The following MAN2A2 variants were observed in gnomAD, a reference collection of about 807,000 sequenced individuals.
The protein encoded by MAN2A2 is alpha-mannosidase 2x.
Under a neutral mutation model 126.8 loss-of-function variants are expected in MAN2A2, and 79 were observed. The ratio of observed to expected loss-of-function variants is 0.62; its 90% CI spans 0.52 to 0.75. The LOEUF (loss-of-function observed/expected upper bound fraction) is 0.75. Among genes scored for constraint, MAN2A2 ranks in the 30% least tolerant of loss-of-function variants. The pLI is 0.00. For synonymous variants in MAN2A2, 671 were observed against 618.7 expected (o/e 1.08, Z -1.25); for missense variants, 1,392 against 1,522.4 (o/e 0.91, Z 1.43).
At chr15:90,913,178 C>T in intron 17 of MAN2A2, 95 bp from the exon 18 acceptor site, 1 of 1,475,004 alleles carries the variant, frequency 6.8e-7, no homozygotes, top group East Asian at 2.3e-5. Context: ...TTGGACAGAG[C>T]CTCTCCCCAG....
At chr15:90,915,721 C>G (rs538220997) in intron 19 of MAN2A2, among the ~76,000 whole-genome samples, 5 of 152,332 alleles carry the variant, frequency 3.3e-5, no homozygotes, top group South Asian at 4.1e-4. Flanking sequence ...AAACCTGCCC[C>G]AGATTACGGA....
rs1391776400 is a variant in MAN2A2 at position 90,903,897 on chromosome 15, A to G, written c.-18-293A>G. 1.4e-5 allele frequency: 6 copies of G among 430,668 alleles called. No individual in the cohort carries two copies. In the East Asian group the frequency reaches 2.6e-4, roughly 19 times the overall value. 26.7% of individuals were successfully genotyped at this position (430,668 alleles called of 1,614,324 possible). ...CTGAACAGGCACCTCCTATCTAGGCAGGGAAGCTGTGTAATCAGGAGCTTG... is the reference window on the plus strand; with the variant it reads ...CTGAACAGGCACCTCCTATCTAGGCGGGGAAGCTGTGTAATCAGGAGCTTG... On this transcript the variant is annotated intron_variant, in intron 1 of 22. Transcript: ENST00000559717.
Position 90,907,485 on chromosome 15 carries a change from G to A in MAN2A2, c.1186G>A (p.Val396Met), listed in dbSNP as rs1216823324. 50 of 1,611,304 alleles carry A rather than the reference G, an allele frequency of 3.1e-5. No homozygotes were observed. Among genetic ancestry groups the A allele is most frequent in the Middle Eastern group, 1.6e-4 (1 of 6,078 alleles). Residue 396 changes from valine to methionine, a missense_variant, in exon 8 of 23, where the codon GTG (valine) becomes ATG (methionine). By Grantham distance (21) the Val-to-Met change is conservative. Transcript: ENST00000559717. ...VPPRAITEANVAERAALLLDQ... is the reference protein window; with the variant it reads ...VPPRAITEANMAERAALLLDQ... ...ACCCCGGGCCATCACAGAGGCCAACGTGGCAGAGAGGTATCTGCTTCCAGC... is the reference window on the plus strand; with the variant it reads ...ACCCCGGGCCATCACAGAGGCCAACATGGCAGAGAGGTATCTGCTTCCAGC...
At chr15:90,911,827 T>C (rs1419308980) in intron 14 of MAN2A2, 4 of 614,380 alleles carry the variant, frequency 6.5e-6, no homozygotes, top group Non-Finnish European at 1.2e-5. Context: ...GAAAGCTTAA[T>C]GTGTTGTTAC....
At position 90,922,386 on chromosome 15, in the gene MAN2A2, A is replaced by G. The variant is rs2035580798; in HGVS notation, c.*2599A>G. Reference sequence around the variant, plus strand: ...CATAGCAGAAGAAATAGGATTATCAATGTGAACTGCTTAGCATGGTGCCTG... The same window carrying G: ...CATAGCAGAAGAAATAGGATTATCAGTGTGAACTGCTTAGCATGGTGCCTG... On this transcript the variant is annotated 3_prime_UTR_variant, in exon 23 of 23. Coordinates refer to ENST00000559717, the MANE Select transcript of MAN2A2 (RefSeq NM_006122.4). The G allele has an allele frequency of 6.6e-6, 1 of 152,182 alleles. No homozygotes were observed. Among genetic ancestry groups the G allele is most frequent in the Admixed American group, 6.5e-5 (1 of 15,276 alleles). The allele number at this position is 152,182 out of a possible 1,614,324, so 9.4% of individuals were successfully genotyped here.
At chr15:90,912,325 C>A (rs201429967) in intron 15 of MAN2A2, 46 bp downstream of exon 15, 2 of 1,598,682 alleles carry the variant, frequency 1.3e-6, no homozygotes, top group Non-Finnish European at 1.7e-6. Flanking sequence ...CAGAGTAGGG[C>A]GTGTGTGGTG....
At chr15:90,904,486 T>G in intron 2 of MAN2A2, 147 bp downstream of exon 2, 1 of 945,362 alleles carries the variant, frequency 1.1e-6, no homozygotes, top group Non-Finnish European at 1.5e-6. Flanking sequence ...ATAGTCAGGT[T>G]TTGTAGAAAC....
rs1596141929 is a variant in MAN2A2, at chr15:90,906,407, G to A, written c.745G>A (p.Gly249Ser). 2.5e-6 allele frequency: 4 copies of A among 1,614,190 alleles called. No homozygotes were observed. The East Asian group carries it at 8.9e-5, about 36-fold the overall frequency. ...CGGGCAGCTGGAGATTGCGACAGGA[G>A]GCTGGGTGATGCCAGATGAGGCCAA... ...GNGQLEIATG[G>S]WVMPDEANSH... is the part of the protein sequence containing the mutation. Residue 249 changes from glycine (G) to serine (S), a missense_variant, in exon 6 of 23, where the codon GGC becomes AGC. Gly to Ser is a moderately conservative substitution (Grantham distance 56, BLOSUM62 0). Coordinates refer to ENST00000559717, the MANE Select transcript of MAN2A2 (RefSeq NM_006122.4).
chr15:90,905,657 G>T lies in MAN2A2; in HGVS notation c.469G>T (p.Asp157Tyr), dbSNP rs750890155. ...VWRQGFDISY[D>Y]PHDWDAEDLQ... is the part of the protein sequence containing the mutation. ...GAGGCAAGGCTTCGACATCTCCTAC[G>T]ACCCGCACGACTGGGATGCTGAAGA... Residue 157 changes from aspartate to tyrosine, a missense_variant, in exon 4 of 23, where the codon GAC becomes TAC. Transcript: ENST00000559717. 1.2e-6 allele frequency: 2 copies of T among 1,614,018 alleles called. No homozygotes were observed. Among genetic ancestry groups the T allele is most frequent in the South Asian group, 2.2e-5 (2 of 91,086 alleles).
chr15:90,911,376 T>G lies in MAN2A2; in HGVS notation c.1944-9T>G, dbSNP rs1348963548. On this transcript the variant is annotated splice_polypyrimidine_tract_variant and intron_variant, in intron 13 of 22. Transcript: ENST00000559717. ...CAGCCTCCTGGGTCAGCCCACCTTC[T>G]ACGCACAGGTTTGTGGTCCTATTCA... The G allele has an allele frequency of 6.2e-7, 1 of 1,614,148 alleles. No individual in the cohort carries two copies. Among genetic ancestry groups the G allele is most frequent in the Non-Finnish European group, 8.5e-7 (1 of 1,179,958 alleles).
rs2035334611 is a variant in MAN2A2, at chr15:90,918,233, A to G, written c.3034A>G (p.Ser1012Gly). 2 of 1,613,816 alleles carry G rather than the reference A, an allele frequency of 1.2e-6. No homozygotes were observed. The highest frequency in any genetic ancestry group is 2.2e-5 in the East Asian group (1 of 44,830). ...CTCTACCAGCTACCCATCCCTCCTC[A>G]GCCACCTGACCTCCATGTACCTGAA... The part of the protein sequence containing the change: ...SHSTSYPSLL[S>G]HLTSMYLNAP... Residue 1012 changes from serine to glycine, a missense_variant, in exon 21 of 23, where the codon AGC (serine) becomes GGC (glycine). Physicochemically the swap from Ser to Gly is moderately conservative, Grantham distance 56. Transcript: ENST00000559717.
chr15:90,915,176 C>G (rs72630484), intron 19 of MAN2A2, among the ~76,000 whole-genome samples: 8,097 of 152,330 alleles, frequency 0.053, 881 homozygotes, highest in East Asian at 0.41. Context: ...TCCTCTCCCC[C>G]TCTGGGATAT....
rs2035580521 is a variant in MAN2A2, at chr15:90,922,374, A to G, written c.*2587A>G. The G allele has an allele frequency of 6.6e-6, 1 of 152,198 alleles. No individual in the cohort carries two copies. The highest frequency in any genetic ancestry group is 2.1e-4 in the South Asian group (1 of 4,826). 9.4% of individuals were successfully genotyped at this position (152,198 alleles called of 1,614,324 possible). ...CCCCATTTATATCATAGCAGAAGAA[A>G]TAGGATTATCAATGTGAACTGCTTA... On this transcript the variant is annotated 3_prime_UTR_variant, in exon 23 of 23. Transcript: ENST00000559717.
Position 90,919,640 on chromosome 15 carries a change from C to A in MAN2A2, c.3306C>A (p.Ala1102=). The change falls in exon 23 of 23, where the codon GCC becomes GCA. Residue 1102 remains alanine, a synonymous_variant. Transcript: ENST00000559717. ...FNCTTSQGKV[A]LGSLFHGLDV... is the part of the protein sequence containing the mutation. The stretch of plus-strand genomic sequence containing the variant: ...CCCTTCTCTGCTCTCCACAGGTAGC[C>A]CTGGGCAGCCTTTTCCATGGCCTGG... 1 of 1,614,112 alleles carries A rather than the reference C, an allele frequency of 6.2e-7. No homozygotes were observed. The highest frequency in any genetic ancestry group is 8.5e-7 in the Non-Finnish European group (1 of 1,179,994).
chr15:90,910,501 G>A lies in MAN2A2; in HGVS notation c.1578G>A (p.Arg526=), dbSNP rs369714610. The A allele has an allele frequency of 1.9e-6, 3 of 1,613,802 alleles. No homozygotes were observed. The highest frequency in any genetic ancestry group is 2.5e-6 in the Non-Finnish European group (3 of 1,179,972). The change falls in exon 11 of 23, where the codon CGG becomes CGA. Residue 526 remains arginine (R), a splice_region_variant and synonymous_variant. Transcript: ENST00000559717. ...SLDRVLEAHL[R]GAEVLYSLAA... is the part of the protein sequence containing the mutation. The stretch of plus-strand genomic sequence containing the variant: ...GCAGCTAACTTCTCTCTCTGGGCAG[G>A]GGGGCAGAGGTTCTGTACAGCCTGG...
chr15:90,914,525 G>C (rs1253380662), intron 19 of MAN2A2, among the ~76,000 whole-genome samples: 1 of 150,512 alleles, frequency 6.6e-6, no homozygotes, highest in East Asian at 1.9e-4. Flanking sequence ...CTTTTTTTTT[G>C]TTTTTTTGTT....
At position 90,916,341 on chromosome 15, in the gene MAN2A2, C is replaced by T. The variant is rs1346082077; in HGVS notation, c.2994+85C>T. ...GGGGTCCAGCCTAGGGCTCGAGGAG[C>T]GTAGTTGGAGGTGGGCAAGAGAGAG... On this transcript the variant is annotated intron_variant, in intron 20 of 22. Coordinates refer to ENST00000559717, the MANE Select transcript of MAN2A2 (RefSeq NM_006122.4). 29 of 1,513,818 alleles carry T rather than the reference C, an allele frequency of 1.9e-5. No homozygotes were observed. The South Asian group carries it at 2.8e-4, about 15-fold the overall frequency. 93.8% of individuals were successfully genotyped at this position (1,513,818 alleles called of 1,614,324 possible).
rs151089946 is a variant in MAN2A2, at chr15:90,906,007, C to T, written c.698C>T (p.Ala233Val). 1.1e-4 allele frequency: 181 copies of T among 1,613,862 alleles called. 2 individuals are homozygous for T. The African/African-American group carries it at 2.2e-3, about 20-fold the overall frequency. ...AACATCAATGTCCAAAAGAGAGCGG[C>T]AGTCCGAAGGCCAGTACCAGGCGGG... is the stretch of plus-strand genomic sequence containing the variant. ...WDNINVQKRA[A>V]VRRLVGNGQL... Residue 233 changes from alanine (A) to valine (V), a missense_variant, in exon 5 of 23, where the codon GCA becomes GTA. Ala to Val is a moderately conservative substitution (Grantham distance 64, BLOSUM62 0). Coordinates refer to ENST00000559717, the MANE Select transcript of MAN2A2 (RefSeq NM_006122.4).
chr15:90,913,233 C>T (rs2034902238), intron 17 of MAN2A2, 40 bp from the exon 18 acceptor site: 1 of 1,608,116 alleles, frequency 6.2e-7, no homozygotes, highest in East Asian at 2.2e-5. Flanking sequence ...GTGCTTCAGC[C>T]TCACACCTGT....
Sources: gnomAD v4.1 joint callset for allele counts (sites outside exome capture counted in the v4.1 genomes callset) on GRCh38, gnomAD v4.1.1 for gene constraint, MANE v1.5 for transcripts, NCBI Gene and HGNC (gene_info 2026-07-23, HGNC 2026-07-21) for gene names.